The following FBXL5 variants were observed in gnomAD, a reference collection of about 807,000 sequenced individuals.
The protein encoded by FBXL5 is F-box/LRR-repeat protein 5.
In FBXL5, 26 loss-of-function variants were observed where a neutral mutation model predicts 78.3. The ratio of observed to expected loss-of-function variants is 0.33; its 90% CI spans 0.24 to 0.46. The LOEUF (loss-of-function observed/expected upper bound fraction) is 0.46. Among genes scored for constraint, FBXL5 ranks in the 20% least tolerant of loss-of-function variants. FBXL5 has a pLI of 1.00. For missense variants in FBXL5, 710 were observed against 829.2 expected (o/e 0.86, Z 1.77); for synonymous variants, 295 against 282.5 (o/e 1.04, Z -0.45).
chr4:15,609,205 G>A (rs1231000060), intron 10 of FBXL5, among the ~76,000 whole-genome samples: 1 of 152,020 alleles, frequency 6.6e-6, no homozygotes, highest in Non-Finnish European at 1.5e-5. Context: ...GTAGGACACA[G>A]AACCCAAATG....
intron 4 of FBXL5, among the ~76,000 whole-genome samples, chr4:15,637,884 C>T (rs1392817040): frequency 6.7e-6 from 1 of 148,154 alleles, no homozygotes; most frequent in African/African-American, 2.5e-5. Context: ...TAAATAATTA[C>T]TGAGGAACTA....
Position 15,640,797 on chromosome 4 carries a change from C to A in FBXL5, c.387G>T (p.Glu129Asp). Reference sequence around the variant, plus strand: ...GAAAAATTATGCTTACCTCCTCTTCCTCTTTCATGTGAGGAAGAAAATCTC... The same window carrying A: ...GAAAAATTATGCTTACCTCCTCTTCATCTTTCATGTGAGGAAGAAAATCTC... ...FTRDFLPHMK[E>D]EEEVFQPMLM... is the part of the protein sequence containing the mutation. The change falls in exon 3 of 11, where the codon GAG (glutamate) becomes GAT (aspartate). Residue 129 changes from glutamate to aspartate, a missense_variant. Glu to Asp is a conservative substitution (Grantham distance 45). Transcript: ENST00000341285. 1 of 1,536,534 alleles carries A rather than the reference C, an allele frequency of 6.5e-7. No homozygotes were observed. The highest frequency in any genetic ancestry group is 1.4e-5 in the African/African-American group (1 of 71,134).
chr4:15,647,922 T>C (rs756096200), intron 1 of FBXL5, among the ~76,000 whole-genome samples: 1 of 152,182 alleles, frequency 6.6e-6, no homozygotes, highest in Non-Finnish European at 1.5e-5. Flanking sequence ...GGCATGATCA[T>C]AGCTCACTGC....
chr4:15,611,220 T>A (rs951993769), intron 10 of FBXL5, among the ~76,000 whole-genome samples: 3 of 152,096 alleles, frequency 2.0e-5, no homozygotes, highest in East Asian at 3.8e-4. Context: ...ATTCCTGAAA[T>A]AAGAGAGCTA....
At chr4:15,675,572 A>ATTTT (rs60660814) in intron 1 of FBXL5, among the ~76,000 whole-genome samples, 1 of 96,704 alleles carries the variant, frequency 1.0e-5, no homozygotes, top group Non-Finnish European at 2.0e-5. Context: ...CAAAACTCCT[A>ATTTT]TTTTTTTTTT....
At chr4:15,634,184 G>T (rs1451429315) in intron 5 of FBXL5, among the ~76,000 whole-genome samples, 2 of 151,904 alleles carry the variant, frequency 1.3e-5, no homozygotes, top group East Asian at 3.9e-4. Context: ...GATTTCTATT[G>T]ATTTTTTTTT....
At chr4:15,648,943 T>C (rs1021630863) in intron 1 of FBXL5, among the ~76,000 whole-genome samples, 1 of 152,188 alleles carries the variant, frequency 6.6e-6, no homozygotes, top group African/African-American at 2.4e-5. Flanking sequence ...ACAATGTACA[T>C]GTATATCAAA....
At chr4:15,630,486 GTACTTCAATTAATTTAAAATTTCATTAT>G (rs1301401548) in intron 6 of FBXL5, among the ~76,000 whole-genome samples, 152 bp downstream of exon 6, 1 of 152,030 alleles carries the variant, frequency 6.6e-6, no homozygotes, top group Non-Finnish European at 1.5e-5. Context: ...ACTCTTTAAA[GTACTTCAATTAATTTAAAATTTCATTAT>G]TATTCCTTCA....
At chr4:15,611,126 A>C (rs535769603) in intron 10 of FBXL5, among the ~76,000 whole-genome samples, 1 of 151,988 alleles carries the variant, frequency 6.6e-6, no homozygotes, top group African/African-American at 2.4e-5. Flanking sequence ...GATTATACAC[A>C]GAAGGCAACA....
chr4:15,623,212 C>T (rs755172240), intron 9 of FBXL5, among the ~76,000 whole-genome samples: 1 of 151,924 alleles, frequency 6.6e-6, no homozygotes, highest in Non-Finnish European at 1.5e-5. Flanking sequence ...AAACCTTATA[C>T]TAGAAGAGTT....
At chr4:15,628,970 T>G (rs1419427104) in intron 6 of FBXL5, among the ~76,000 whole-genome samples, 1 of 152,014 alleles carries the variant, frequency 6.6e-6, no homozygotes, top group African/African-American at 2.4e-5. Flanking sequence ...TTATGCATAT[T>G]TTGGGGGTAC....
In FBXL5 at chr4:15,617,016, C is replaced by T. The variant is rs558029411; in HGVS notation, c.1851-4602G>A. 2.6e-5 allele frequency among the ~76,000 whole-genome samples: 4 copies of T among 152,312 alleles called. No individual in the cohort carries two copies. The East Asian group carries it at 7.7e-4, about 29-fold the overall frequency. ...GTGGAGAAAAAGCAATGTTTTTACACTGTTGGGAGTGTAAATTAGTTCAAC... is the reference window on the plus strand; with the variant it reads ...GTGGAGAAAAAGCAATGTTTTTACATTGTTGGGAGTGTAAATTAGTTCAAC... On this transcript the variant is annotated intron_variant, in intron 9 of 10. Coordinates refer to ENST00000341285, the MANE Select transcript of FBXL5 (RefSeq NM_012161.4).
intron 1 of FBXL5, 115 bp from the exon 2 acceptor site, chr4:15,644,823 G>A: frequency 3.0e-6 from 2 of 666,974 alleles, no homozygotes; most frequent in Non-Finnish European, 2.5e-6. Context: ...CCTTACACTT[G>A]GTTAAAGTAC....
chr4:15,620,831 A>C (rs1261700520), intron 9 of FBXL5, among the ~76,000 whole-genome samples: 1 of 152,254 alleles, frequency 6.6e-6, no homozygotes, highest in Non-Finnish European at 1.5e-5. Flanking sequence ...AGCCACAAAC[A>C]ATTGCATGAG....
In FBXL5 at chr4:15,641,968, C is replaced by T. The variant is rs573813489; in HGVS notation, c.301-1085G>A. 5.7e-4 allele frequency among the ~76,000 whole-genome samples: 87 copies of T among 151,550 alleles called. 1 individual carries two copies. In the Middle Eastern group the frequency reaches 0.01, roughly 18 times the overall value. On this transcript the variant is annotated intron_variant, in intron 2 of 10. Coordinates refer to ENST00000341285, the MANE Select transcript of FBXL5 (RefSeq NM_012161.4). ...GCTTGAACCTGGAAGAAGGAGGTTG[C>T]GGTGAGCCGAGATTGCACCACTGCA...
intron 10 of FBXL5, among the ~76,000 whole-genome samples, chr4:15,611,862 T>C (rs1380772073): frequency 6.6e-6 from 1 of 152,126 alleles, no homozygotes; most frequent in Non-Finnish European, 1.5e-5. Context: ...GATAAAGCTG[T>C]CTTACAAGAA....
intron 6 of FBXL5, among the ~76,000 whole-genome samples, chr4:15,630,098 G>A (rs1713464000): frequency 6.6e-6 from 1 of 152,092 alleles, no homozygotes; most frequent in South Asian, 2.1e-4. Flanking sequence ...TCTCATTTGT[G>A]AGTTGTTTGG....
chr4:15,668,771 GT>G (rs1163904517), intron 1 of FBXL5, among the ~76,000 whole-genome samples: 1 of 152,124 alleles, frequency 6.6e-6, no homozygotes, highest in Non-Finnish European at 1.5e-5. Context: ...ACTATTGTTA[GT>G]GATAAAGCCT....
At chr4:15,638,466 C>T (rs1714506851) in intron 4 of FBXL5, 42 bp downstream of exon 4, 2 of 1,424,292 alleles carry the variant, frequency 1.4e-6, no homozygotes, top group African/African-American at 1.6e-5. Context: ...ATGTCAATGA[C>T]CTTACAACTA....
Sources: gnomAD v4.1 joint callset for allele counts (sites outside exome capture counted in the v4.1 genomes callset) on GRCh38, gnomAD v4.1.1 for gene constraint, MANE v1.5 for transcripts, NCBI Gene and HGNC (gene_info 2026-07-23, HGNC 2026-07-21) for gene names.